Variants in MKLN1 observed in about 807,000 individuals in gnomAD.
MKLN1 encodes muskelin.
A neutral mutation model predicts 99.0 loss-of-function variants in MKLN1; 18 were observed. The ratio of observed to expected loss-of-function variants is 0.18; its 90% CI spans 0.13 to 0.27. The LOEUF is 0.27. Among genes scored for constraint, MKLN1 ranks in the 10% least tolerant of loss-of-function variants. The pLI, the probability that MKLN1 is intolerant of heterozygous loss-of-function variation, is 1.00. For synonymous variants in MKLN1, 288 were observed against 293.2 expected (o/e 0.98, Z 0.18); for missense variants, 621 against 875.9 (o/e 0.71, Z 3.67).
At chr7:131,131,440 A>T (rs1196616245) in intron 1 of MKLN1, among the ~76,000 whole-genome samples, 2 of 152,168 alleles carry the variant, frequency 1.3e-5, no homozygotes, top group Non-Finnish European at 2.9e-5. Flanking sequence ...TAATAATAAC[A>T]CCACTTCCCA....
At chr7:131,233,617 T>C (rs1797275067) in intron 3 of MKLN1, among the ~76,000 whole-genome samples, 2 of 151,802 alleles carry the variant, frequency 1.3e-5, no homozygotes. Flanking sequence ...AATTCATTGT[T>C]ACTTTAGGAA....
At chr7:131,181,047 T>A (rs1563243329) in intron 2 of MKLN1, among the ~76,000 whole-genome samples, 1 of 152,174 alleles carries the variant, frequency 6.6e-6, no homozygotes, top group Non-Finnish European at 1.5e-5. Flanking sequence ...GGGGGTAAAT[T>A]GACAAATAAT....
At chr7:131,270,365 G>A (rs1361994044) in intron 3 of MKLN1, among the ~76,000 whole-genome samples, 1 of 152,150 alleles carries the variant, frequency 6.6e-6, no homozygotes, top group Non-Finnish European at 1.5e-5. Flanking sequence ...TGGGATTACA[G>A]ATGTGCTACC....
At position 131,489,516 on chromosome 7, in the gene MKLN1, A is replaced by G. The variant is rs1207099105; in HGVS notation, c.*1788A>G. On this transcript the variant is annotated 3_prime_UTR_variant, in exon 18 of 18. Coordinates refer to ENST00000352689, the MANE Select transcript of MKLN1 (RefSeq NM_013255.5). The stretch of plus-strand genomic sequence containing the variant: ...CACAAGAACATAAAATGTTAATATC[A>G]CTAATATAGCCTGTTAAATCTTTTG... The G allele has an allele frequency of 1.3e-5, 2 of 152,174 alleles. No homozygotes were observed. Among genetic ancestry groups the G allele is most frequent in the Non-Finnish European group, 2.9e-5 (2 of 68,020 alleles). The allele number at this position is 152,174 out of a possible 1,614,324, so 9.4% of individuals were successfully genotyped here.
At chr7:131,166,201 T>C (rs1796121478) in intron 2 of MKLN1, among the ~76,000 whole-genome samples, 2 of 152,168 alleles carry the variant, frequency 1.3e-5, no homozygotes, top group East Asian at 1.9e-4. Context: ...TTGACAGAGC[T>C]TGGCGACAAT....
At chr7:131,193,706 C>T (rs1796601614) in intron 2 of MKLN1, among the ~76,000 whole-genome samples, 1 of 151,968 alleles carries the variant, frequency 6.6e-6, no homozygotes. Flanking sequence ...TTGAGACAGG[C>T]TGGAATTCAG....
intron 12 of MKLN1, among the ~76,000 whole-genome samples, chr7:131,453,120 G>A (rs1408258156): frequency 5.3e-5 from 8 of 152,008 alleles, no homozygotes; most frequent in Non-Finnish European, 8.8e-5. Context: ...ACCCTCCCAG[G>A]GGTGTTTTTG....
chr7:131,295,713 G>A (rs545273074), intron 3 of MKLN1, among the ~76,000 whole-genome samples: 3 of 151,854 alleles, frequency 2.0e-5, no homozygotes, highest in South Asian at 2.1e-4. Flanking sequence ...GCAAGACCTC[G>A]TCTCTACTAA....
intron 3 of MKLN1, among the ~76,000 whole-genome samples, chr7:131,309,515 T>A (rs1398602564): frequency 6.6e-6 from 1 of 151,814 alleles, no homozygotes; most frequent in African/African-American, 2.4e-5. Flanking sequence ...ATTCTTGAAG[T>A]CTTGAGTCTG....
At chr7:131,346,415 G>A (rs900698296) in intron 1 of MKLN1, among the ~76,000 whole-genome samples, 3 of 151,876 alleles carry the variant, frequency 2.0e-5, no homozygotes, top group South Asian at 4.1e-4. Flanking sequence ...CCAGCTAGTC[G>A]GGAGGCTGAG....
At chr7:131,394,242 G>A (rs1317970009) in intron 4 of MKLN1, among the ~76,000 whole-genome samples, 1 of 151,958 alleles carries the variant, frequency 6.6e-6, no homozygotes, top group Non-Finnish European at 1.5e-5. Flanking sequence ...CATCCTTATG[G>A]CTGGTTGCTA....
At position 131,254,597 on chromosome 7, in the gene MKLN1, A is replaced by AT. The variant is rs572950935; in HGVS notation, c.-179+51632dup. Among the ~76,000 whole-genome samples the AT allele has an allele frequency of 3.9e-3, 590 of 152,036 alleles. 17 individuals carry two copies. In the East Asian group the frequency reaches 0.083, roughly 21 times the overall value. On this transcript the variant is annotated intron_variant, in intron 3 of 7. Coordinates refer to the MKLN1 transcript ENST00000416992. ...ATAGAGATTATCAATAAAGAAATAG[A>AT]TTTTTTTTTAAAAAAGAACCTAATA...
chr7:131,388,498 TA>T (rs1794097780), intron 3 of MKLN1, among the ~76,000 whole-genome samples: 1 of 152,246 alleles, frequency 6.6e-6, no homozygotes, highest in African/African-American at 2.4e-5. Context: ...TGGCGTATTC[TA>T]ATATGTGGTT....
At chr7:131,254,352 G>A (rs796210868) in intron 3 of MKLN1, among the ~76,000 whole-genome samples, 13 of 152,250 alleles carry the variant, frequency 8.5e-5, no homozygotes, top group African/African-American at 3.1e-4. Context: ...AACATGTCCA[G>A]TTTTCAACAA....
intron 9 of MKLN1, among the ~76,000 whole-genome samples, chr7:131,437,475 T>G (rs978434994): frequency 6.6e-6 from 1 of 152,206 alleles, no homozygotes; most frequent in African/African-American, 2.4e-5. Flanking sequence ...TGCAGTGCAG[T>G]ATATGGTAGA....
Position 131,445,844 on chromosome 7 carries a change from A to G in MKLN1, c.1466A>G (p.Asp489Gly), listed in dbSNP as rs2116521122. The G allele has an allele frequency of 2.5e-6, 4 of 1,608,996 alleles. No homozygotes were observed. Among genetic ancestry groups the G allele is most frequent in the Non-Finnish European group, 3.4e-6 (4 of 1,176,820 alleles). ...TATTTGAATGATTTCTTTAGTTATG[A>G]TGTGGACTCTGATCATGTAGACATA... ...KTYLNDFFSY[D>G]VDSDHVDIIS... Residue 489 changes from aspartate (D) to glycine (G), a missense_variant, in exon 12 of 18, where the codon GAT becomes GGT. Physicochemically the swap from Asp to Gly is moderately conservative, Grantham distance 94. Coordinates refer to ENST00000352689, the MANE Select transcript of MKLN1 (RefSeq NM_013255.5).
At chr7:131,221,303 G>A (rs548240716) in intron 3 of MKLN1, among the ~76,000 whole-genome samples, 8 of 152,132 alleles carry the variant, frequency 5.3e-5, no homozygotes, top group African/African-American at 1.2e-4. Flanking sequence ...GGCCCTGGGC[G>A]TGCACATGGC....
intron 3 of MKLN1, among the ~76,000 whole-genome samples, chr7:131,322,860 G>T (rs202049679): frequency 6.6e-6 from 1 of 152,074 alleles, no homozygotes; most frequent in Admixed American, 6.5e-5. Context: ...GTGAGCCACC[G>T]CGCCCGGCCA....
At chr7:131,281,825 T>A (rs1477084137) in intron 3 of MKLN1, among the ~76,000 whole-genome samples, 2 of 152,008 alleles carry the variant, frequency 1.3e-5, no homozygotes, top group African/African-American at 4.8e-5. Flanking sequence ...GGACTACACA[T>A]GCACACTCAG....
Sources: gnomAD v4.1 joint callset for allele counts (sites outside exome capture counted in the v4.1 genomes callset) on GRCh38, gnomAD v4.1.1 for gene constraint, MANE v1.5 for transcripts, NCBI Gene and HGNC (gene_info 2026-07-23, HGNC 2026-07-21) for gene names.